Variants in FBLIM1 observed in about 807,000 individuals in gnomAD.
The protein encoded by FBLIM1 is filamin-binding LIM protein 1.
FBLIM1 carries 29 observed loss-of-function variants against 37.4 expected under a neutral mutation model. The ratio of observed to expected loss-of-function variants is 0.77; its 90% CI spans 0.58 to 1.06. The LOEUF (loss-of-function observed/expected upper bound fraction) is 1.06, where lower values mean the gene tolerates loss of function less well. FBLIM1 is among the 50% of genes least tolerant of loss of function. FBLIM1 has a pLI of 0.00. For missense variants in FBLIM1, 449 were observed against 505.6 expected (o/e 0.89, Z 1.07); for synonymous variants, 193 against 199.0 (o/e 0.97, Z 0.25).
intron 8 of FBLIM1, among the ~76,000 whole-genome samples, chr1:15,782,970 A>G (rs910533268): frequency 6.6e-6 from 1 of 151,834 alleles, no homozygotes; most frequent in Non-Finnish European, 1.5e-5. Flanking sequence ...TAATTTTTAT[A>G]TTTTTAGTAG....
At chr1:15,772,279 A>G (rs1350943531) in intron 6 of FBLIM1, among the ~76,000 whole-genome samples, 1 of 152,216 alleles carries the variant, frequency 6.6e-6, no homozygotes, top group African/African-American at 2.4e-5. Flanking sequence ...CCAGTGAGGC[A>G]CTGTGGGAAG....
intron 1 of FBLIM1, among the ~76,000 whole-genome samples, chr1:15,759,077 G>C (rs1218112244): frequency 6.6e-6 from 1 of 152,088 alleles, no homozygotes; most frequent in African/African-American, 2.4e-5. Context: ...TCCGGGGCGA[G>C]GGCTCAGTGA....
chr1:15,762,318 T>C (rs749582413), intron 1 of FBLIM1, among the ~76,000 whole-genome samples: 23 of 147,150 alleles, frequency 1.6e-4, no homozygotes, highest in Non-Finnish European at 2.8e-4. Context: ...GGCTGGAGTG[T>C]GGTGGTGCAA....
rs778778898 is a variant in FBLIM1, at chr1:15,768,529, C to G, written c.440C>G (p.Ala147Gly). ...GACTCCCCGTCTGCATCCCCACAGG[C>G]CCCAGCGGAGGGACCTTCAGTCCAG... Reference protein sequence around the residue: ...HLSPPPPPPQAPAEGPSVQPG... With the variant: ...HLSPPPPPPQGPAEGPSVQPG... The change falls in exon 5 of 9, where the codon GCC (alanine) becomes GGC (glycine). Residue 147 changes from alanine to glycine, a missense_variant and splice_region_variant. Transcript: ENST00000375766. 6.4e-7 allele frequency: 1 copy of G among 1,573,924 alleles called. No homozygotes were observed. The highest frequency in any genetic ancestry group is 1.2e-5 in the South Asian group (1 of 83,940).
At chr1:15,762,292 C>T (rs1432918690) in intron 1 of FBLIM1, among the ~76,000 whole-genome samples, 1 of 140,958 alleles carries the variant, frequency 7.1e-6, no homozygotes, top group African/African-American at 2.6e-5. Context: ...GAGACAGACT[C>T]TTGCTCTGTT....
chr1:15,766,116 G>A (rs898134337), intron 3 of FBLIM1, among the ~76,000 whole-genome samples: 12 of 150,322 alleles, frequency 8.0e-5, no homozygotes, highest in African/African-American at 2.5e-4. Context: ...TTTTTTTTTC[G>A]AGACAGGGTC....
intron 8 of FBLIM1, among the ~76,000 whole-genome samples, chr1:15,783,682 T>C (rs2069702431): frequency 6.7e-6 from 1 of 150,278 alleles, no homozygotes; most frequent in Non-Finnish European, 1.5e-5. Flanking sequence ...TTCACGCCAT[T>C]CTCCTGCCTC....
rs114077715 is a variant in FBLIM1, at chr1:15,774,837, G to A, written c.890+41G>A. 0.024 allele frequency: 37,997 copies of A among 1,613,826 alleles called. 544 individuals are homozygous for A. The highest frequency in any genetic ancestry group is 0.027 in the Non-Finnish European group (32,134 of 1,179,734). ...GTGCACTGGGTGGGGTGCAGGGACA[G>A]GGCGAGACCCAAGCAGGGTGAAGGA... On this transcript the variant is annotated intron_variant, in intron 7 of 8. Coordinates refer to ENST00000375766, the MANE Select transcript of FBLIM1 (RefSeq NM_017556.4).
chr1:15,776,786 T>A (rs749405518), intron 7 of FBLIM1, among the ~76,000 whole-genome samples: 7 of 140,708 alleles, frequency 5.0e-5, no homozygotes, highest in Non-Finnish European at 9.0e-5. Flanking sequence ...CACTTGAACC[T>A]GGGAGGTGGA....
chr1:15,767,401 G>T lies in FBLIM1; in HGVS notation c.276G>T (p.Leu92=), dbSNP rs374932901. 8.3e-6 allele frequency: 13 copies of T among 1,558,900 alleles called. No homozygotes were observed. Among genetic ancestry groups the T allele is most frequent in the Non-Finnish European group, 1.1e-5 (13 of 1,153,820 alleles). ...GATGCCCACCCCCTCCTCCTGTCCT[G>T]GATGGTGAGGACGTGCTTCCTGACC... ...NGGCPPPPPV[L]DGEDVLPDLD... is the part of the protein sequence containing the mutation. Residue 92 remains leucine, a synonymous_variant, in exon 4 of 9, where the codon CTG becomes CTT. Transcript: ENST00000375766.
intron 5 of FBLIM1, 102 bp from the exon 6 acceptor site, chr1:15,770,307 G>C (rs1348990110): frequency 1.5e-5 from 20 of 1,308,022 alleles, no homozygotes; most frequent in Non-Finnish European, 1.9e-5. Flanking sequence ...AATTTGCAGG[G>C]TTTAAGACAG....
rs149403226 is a variant in FBLIM1 at position 15,767,505 on chromosome 1, C to A, written c.380C>A (p.Ala127Asp). The A allele has an allele frequency of 7.6e-7, 1 of 1,316,032 alleles. No homozygotes were observed. Among genetic ancestry groups the A allele is most frequent in the African/African-American group, 1.7e-5 (1 of 58,768 alleles). 81.5% of individuals were successfully genotyped at this position (1,316,032 alleles called of 1,614,324 possible). A position where few individuals can be genotyped will look rare whatever the true frequency, so the allele number is the denominator to read the frequency against. ...GAGGAGGCTCCTGCTCCAATGGGGGCCTCACTCATTGCAGACTTAGAGCAG... is the reference window on the plus strand; with the variant it reads ...GAGGAGGCTCCTGCTCCAATGGGGGACTCACTCATTGCAGACTTAGAGCAG... Reference protein sequence around the residue: ...SEEEAPAPMGASLIADLEQLH... With the variant: ...SEEEAPAPMGDSLIADLEQLH... Residue 127 changes from alanine to aspartate, a missense_variant, in exon 4 of 9, where the codon GCC (alanine) becomes GAC (aspartate). Coordinates refer to ENST00000375766, the MANE Select transcript of FBLIM1 (RefSeq NM_017556.4).
At position 15,770,463 on chromosome 1, in the gene FBLIM1, C is replaced by A; in HGVS notation, c.596C>A (p.Ala199Asp). The stretch of plus-strand genomic sequence containing the variant: ...TCCCCCCGAGAGCTGGCTGTGGAGG[C>A]CATGAAGAGGCAGTACCATGCCCAG... ...TVSPRELAVE[A>D]MKRQYHAQCF... Residue 199 changes from alanine to aspartate, a missense_variant, in exon 6 of 9, where the codon GCC becomes GAC. Ala to Asp is a moderately radical substitution (Grantham distance 126). Coordinates refer to ENST00000375766, the MANE Select transcript of FBLIM1 (RefSeq NM_017556.4). 1 of 1,613,356 alleles carries A rather than the reference C, an allele frequency of 6.2e-7. No homozygotes were observed. The highest frequency in any genetic ancestry group is 8.5e-7 in the Non-Finnish European group (1 of 1,179,630).
upstream of FBLIM1, chr1:15,756,651 G>C (rs369251118): frequency 1.3e-5 from 2 of 152,284 alleles, no homozygotes; most frequent in Non-Finnish European, 2.9e-5. Flanking sequence ...ATCGACACCC[G>C]AGCTGCTGCG....
intron 7 of FBLIM1, among the ~76,000 whole-genome samples, chr1:15,775,854 C>T (rs961687767): frequency 3.3e-5 from 5 of 152,152 alleles, no homozygotes; most frequent in Admixed American, 1.3e-4. Context: ...GGTCTCTATG[C>T]AGCTTTTCTT....
intron 3 of FBLIM1, among the ~76,000 whole-genome samples, chr1:15,766,315 G>A (rs1285175080): frequency 6.6e-6 from 1 of 151,928 alleles, no homozygotes; most frequent in African/African-American, 2.4e-5. Context: ...TGTATATTTT[G>A]AGACGAAGTC....
chr1:15,766,359 C>T (rs1421684005), intron 3 of FBLIM1, among the ~76,000 whole-genome samples: 5 of 152,110 alleles, frequency 3.3e-5, no homozygotes, highest in Admixed American at 6.6e-5. Context: ...TGCAGTGGTG[C>T]GATCTCGGCT....
Position 15,774,774 on chromosome 1 carries a change from T to C in FBLIM1, c.868T>C (p.Tyr290His), listed in dbSNP as rs748039861. ...TGCCCTGGGCAGCCAGAACGAGGTGTACTGCCTGGACGACTTCTACAGGTA... is the reference window on the plus strand; with the variant it reads ...TGCCCTGGGCAGCCAGAACGAGGTGCACTGCCTGGACGACTTCTACAGGTA... ...SFALGSQNEV[Y>H]CLDDFYRKFA... Residue 290 changes from tyrosine (Y) to histidine (H), a missense_variant, in exon 7 of 9, where the codon TAC becomes CAC. Tyr to His is a moderately conservative substitution (Grantham distance 83). Coordinates refer to ENST00000375766, the MANE Select transcript of FBLIM1 (RefSeq NM_017556.4). 2 of 1,614,120 alleles carry C rather than the reference T, an allele frequency of 1.2e-6. No homozygotes were observed. Among genetic ancestry groups the C allele is most frequent in the Non-Finnish European group, 1.7e-6 (2 of 1,180,000 alleles).
intron 7 of FBLIM1, chr1:15,775,089 G>A (rs960834235): frequency 3.1e-5 from 17 of 547,034 alleles, no homozygotes; most frequent in Middle Eastern, 5.0e-4. Context: ...GCATGGTGGC[G>A]GGCGCCTGTA....
Sources: allele counts gnomAD v4.1 joint callset (sites outside exome capture counted in the v4.1 genomes callset), GRCh38; gene constraint gnomAD v4.1.1; transcripts MANE v1.5; gene names NCBI Gene and HGNC (gene_info 2026-07-23, HGNC 2026-07-21).